Variants in SULF1 observed in about 807,000 individuals in gnomAD.
SULF1 encodes the protein sulfatase 1.
A neutral mutation model predicts 110.5 loss-of-function variants in SULF1; 46 were observed. That is an observed-to-expected ratio of 0.42 (90% CI 0.33 to 0.53). The LOEUF is 0.53. Ranked by LOEUF, SULF1 falls within the 20% of genes least tolerant of loss-of-function variation. The pLI, the probability that SULF1 is intolerant of heterozygous loss-of-function variation, is 0.12. For missense variants in SULF1, 941 were observed against 1,094.2 expected, an observed-to-expected ratio of 0.86 and a Z score of 1.98; for synonymous variants, 371 against 387.1, an observed-to-expected ratio of 0.96 and a Z score of 0.49.
At chr8:69,526,853 G>A (rs886780320) in intron 3 of SULF1, among the ~76,000 whole-genome samples, 4 of 149,666 alleles carry the variant, frequency 2.7e-5, no homozygotes, top group African/African-American at 9.8e-5. Flanking sequence ...GAGGAAGGAA[G>A]GAAGGAAAGA....
intron 22 of SULF1, among the ~76,000 whole-genome samples, chr8:69,646,805 A>G (rs1217638005): frequency 1.3e-5 from 2 of 152,190 alleles, no homozygotes; most frequent in African/African-American, 2.4e-5. Context: ...GTGATAATAC[A>G]TACACATAAT....
At position 69,578,472 on chromosome 8, in the gene SULF1, A is replaced by T. The variant is rs185222968; in HGVS notation, c.412+2263A>T. Among the ~76,000 whole-genome samples, 1,237 of 150,134 alleles carry T rather than the reference A, an allele frequency of 8.2e-3. 18 individuals are homozygous for T. Among genetic ancestry groups the T allele is most frequent in the African/African-American group, 0.02 (815 of 40,976 alleles). On this transcript the variant is annotated intron_variant, in intron 6 of 22. Transcript: ENST00000402687. ...CACCCATTAACTCGTCATTTAGCAT[A>T]AGGTATATCTCCTAATGCTATCCCT...
rs1335374587 is a variant in SULF1 at position 69,659,295 on chromosome 8, C to T, written c.*760C>T. 1.4e-5 allele frequency: 6 copies of T among 429,586 alleles called. No individual in the cohort carries two copies. The East Asian group carries it at 3.5e-4, about 25-fold the overall frequency. The allele number at this position is 429,586 out of a possible 1,614,324, so 26.6% of individuals were successfully genotyped here. A position where few individuals can be genotyped will look rare whatever the true frequency, so the allele number is the denominator to read the frequency against. On this transcript the variant is annotated 3_prime_UTR_variant, in exon 23 of 23. Transcript: ENST00000402687. ...AGAAGTCACAGCACCTAGAAGGCAG[C>T]GCCTCCTCTTCACTCTCCTCTGATT...
intron 2 of SULF1, among the ~76,000 whole-genome samples, chr8:69,499,868 G>A (rs1172316132): frequency 6.6e-6 from 1 of 152,090 alleles, no homozygotes; most frequent in African/African-American, 2.4e-5. Context: ...TACCGCCTCA[G>A]CCTCCCAAGT....
chr8:69,504,020 G>A (rs926110377), intron 3 of SULF1, among the ~76,000 whole-genome samples: 2 of 151,880 alleles, frequency 1.3e-5, no homozygotes, highest in Admixed American at 6.6e-5. Flanking sequence ...GGATGGTCTC[G>A]ATCTCTTGAC....
chr8:69,538,648 T>G (rs1262864173), intron 3 of SULF1, among the ~76,000 whole-genome samples: 1 of 152,152 alleles, frequency 6.6e-6, no homozygotes, highest in Non-Finnish European at 1.5e-5. Flanking sequence ...CTTCCAACAC[T>G]ATAGTCTTTT....
intron 22 of SULF1, among the ~76,000 whole-genome samples, chr8:69,641,597 G>A (rs1315884927): frequency 1.3e-5 from 2 of 152,018 alleles, no homozygotes; most frequent in Admixed American, 1.3e-4. Context: ...CTAGCCAGGT[G>A]TGGTGATGCA....
chr8:69,608,562 G>A (rs6472469), intron 13 of SULF1, among the ~76,000 whole-genome samples: 119,237 of 152,108 alleles, frequency 0.78, 47,271 homozygotes, highest in African/African-American at 0.9. Flanking sequence ...GTGGGCACCT[G>A]TAATTCCAGC....
intron 8 of SULF1, among the ~76,000 whole-genome samples, chr8:69,600,119 A>ACT (rs1381563106): frequency 1.3e-5 from 2 of 152,134 alleles, no homozygotes; most frequent in Non-Finnish European, 2.9e-5. Flanking sequence ...TCAATAAAAT[A>ACT]CTCTTCTCAA....
chr8:69,541,926 T>C (rs1476240961), intron 3 of SULF1, among the ~76,000 whole-genome samples: 1 of 152,218 alleles, frequency 6.6e-6, no homozygotes. Context: ...TGATCTTCCA[T>C]TCTTTCTCAA....
In SULF1 at chr8:69,624,087, C is replaced by T. The variant is rs1186221471; in HGVS notation, c.1740C>T (p.Gly580=). Residue 580 remains glycine (G), a synonymous_variant, in exon 15 of 23, where the codon GGC becomes GGT. Transcript: ENST00000402687. Reference sequence around the variant, plus strand: ...ACATTGCTAAGCGTCATGATGAAGGCCACAAGGGGCCAAGAGATCTCCAGG... The same window carrying T: ...ACATTGCTAAGCGTCATGATGAAGGTCACAAGGGGCCAAGAGATCTCCAGG... The part of the protein sequence containing the change: ...PRNIAKRHDE[G]HKGPRDLQAS... 8 of 1,613,952 alleles carry T rather than the reference C, an allele frequency of 5.0e-6. No individual in the cohort carries two copies. Among genetic ancestry groups the T allele is most frequent in the Non-Finnish European group, 6.8e-6 (8 of 1,180,010 alleles).
At chr8:69,532,046 A>G (rs947142358) in intron 3 of SULF1, among the ~76,000 whole-genome samples, 1 of 152,228 alleles carries the variant, frequency 6.6e-6, no homozygotes, top group African/African-American at 2.4e-5. Flanking sequence ...TAAGACTGCA[A>G]GAGGAACAAG....
intron 3 of SULF1, among the ~76,000 whole-genome samples, chr8:69,526,896 G>A (rs1282578202): frequency 6.6e-6 from 1 of 151,884 alleles, no homozygotes; most frequent in Non-Finnish European, 1.5e-5. Flanking sequence ...AGAAAGGAAG[G>A]AAGAGGCTAC....
chr8:69,493,387 T>A (rs1810067613), intron 1 of SULF1, among the ~76,000 whole-genome samples: 1 of 150,622 alleles, frequency 6.6e-6, no homozygotes, highest in Non-Finnish European at 1.5e-5. Context: ...ATTGGCCACT[T>A]TCACAGCATT....
At chr8:69,649,203 A>T (rs894969563) in intron 22 of SULF1, among the ~76,000 whole-genome samples, 15 of 152,224 alleles carry the variant, frequency 9.9e-5, no homozygotes, top group African/African-American at 3.6e-4. Context: ...CATTTACAGA[A>T]AGGTCGCAAG....
At chr8:69,645,117 G>A (rs1367146068) in intron 22 of SULF1, among the ~76,000 whole-genome samples, 2 of 152,170 alleles carry the variant, frequency 1.3e-5, no homozygotes, top group Non-Finnish European at 2.9e-5. Flanking sequence ...TGCGTGCACA[G>A]AGGTGTGTCA....
chr8:69,568,167 A>G (rs1182187408), intron 5 of SULF1, among the ~76,000 whole-genome samples: 2 of 152,194 alleles, frequency 1.3e-5, no homozygotes, highest in Non-Finnish European at 2.9e-5. Flanking sequence ...TGCACCTGTA[A>G]TGCTGTAGGC....
chr8:69,608,881 G>A (rs992551487), intron 13 of SULF1, among the ~76,000 whole-genome samples: 22 of 151,944 alleles, frequency 1.4e-4, no homozygotes, highest in African/African-American at 5.1e-4. Flanking sequence ...TCAGCTGGGC[G>A]TTACACCCCC....
chr8:69,590,287 G>A (rs941309060), intron 8 of SULF1, among the ~76,000 whole-genome samples: 2 of 152,066 alleles, frequency 1.3e-5, no homozygotes, highest in Non-Finnish European at 2.9e-5. Context: ...TCAGGCTTCT[G>A]AGGAGCTGGG....
Sources: allele counts gnomAD v4.1 joint callset (sites outside exome capture counted in the v4.1 genomes callset), GRCh38; gene constraint gnomAD v4.1.1; transcripts MANE v1.5; gene names NCBI Gene and HGNC (gene_info 2026-07-23, HGNC 2026-07-21).